The following QNG1 variants were observed in gnomAD, a reference collection of about 807,000 sequenced individuals.
The protein encoded by QNG1 is queuosine 5'-phosphate N-glycosylase/hydrolase.
the QNG1 span, among the ~76,000 whole-genome samples, chr9:83,945,301 T>C: frequency 6.7e-6 from 1 of 148,306 alleles, no homozygotes; most frequent in South Asian, 2.1e-4. Flanking sequence ...ACTCAGGAGG[T>C]GAGGTGGGAG....
the QNG1 span, among the ~76,000 whole-genome samples, chr9:83,948,516 G>GT: frequency 7.3e-5 from 11 of 150,954 alleles, no homozygotes; most frequent in Non-Finnish European, 1.2e-4. Context: ...TCCGGGAGGG[G>GT]GGGGGCGCCT....
At chr9:83,948,108 A>T in the QNG1 span, among the ~76,000 whole-genome samples, 4 of 145,042 alleles carry the variant, frequency 2.8e-5, no homozygotes, top group South Asian at 6.6e-4. Context: ...AGATGTGGGG[A>T]GCGCCTCTGC....
chr9:83,952,653 C>T, the QNG1 span, among the ~76,000 whole-genome samples: 2 of 151,802 alleles, frequency 1.3e-5, no homozygotes, highest in African/African-American at 2.4e-5. Flanking sequence ...AAATTAGCCG[C>T]GCGTGGTGGC....
chr9:83,949,398 C>T, the QNG1 span, among the ~76,000 whole-genome samples: 1 of 152,078 alleles, frequency 6.6e-6, no homozygotes, highest in African/African-American at 2.4e-5. Flanking sequence ...AATCCCAGCA[C>T]TTTGGGAGGC....
chr9:83,939,271 C>A, the QNG1 span: 1 of 417,690 alleles, frequency 2.4e-6, no homozygotes, highest in South Asian at 2.6e-5. Context: ...TGGGGTTTCA[C>A]CATGTTGGCC....
the QNG1 span, among the ~76,000 whole-genome samples, chr9:83,947,938 G>A: frequency 2.6e-5 from 4 of 152,198 alleles, no homozygotes; most frequent in South Asian, 2.1e-4. Context: ...CCGCCACCCC[G>A]TATGGGAAGT....
the QNG1 span, among the ~76,000 whole-genome samples, chr9:83,941,544 TC>T: frequency 2.0e-5 from 3 of 151,984 alleles, no homozygotes; most frequent in South Asian, 6.2e-4. Flanking sequence ...TGAGTTATGA[TC>T]ATGCCACTGC....
the QNG1 span, among the ~76,000 whole-genome samples, chr9:83,954,708 C>T: frequency 1.3e-5 from 2 of 151,442 alleles, no homozygotes; most frequent in South Asian, 2.1e-4. Context: ...GGTGAAACCC[C>T]GTCTCTACTA....
At chr9:83,948,851 G>T in the QNG1 span, among the ~76,000 whole-genome samples, 2 of 152,248 alleles carry the variant, frequency 1.3e-5, no homozygotes, top group Admixed American at 1.3e-4. Context: ...AATGGATAAA[G>T]GGCGGTGCAA....
the QNG1 span, chr9:83,938,330 AT>A: frequency 1.3e-5 from 2 of 152,130 alleles, no homozygotes; most frequent in African/African-American, 4.8e-5. Flanking sequence ...AATTTTGAAT[AT>A]TTTTATTGAA....
the QNG1 span, among the ~76,000 whole-genome samples, chr9:83,949,473 G>A: frequency 1.3e-5 from 2 of 151,368 alleles, no homozygotes. Context: ...GAGAAACCCC[G>A]TCTCTACTAA....
the QNG1 span, among the ~76,000 whole-genome samples, chr9:83,943,435 A>C: frequency 6.6e-6 from 1 of 152,222 alleles, no homozygotes; most frequent in Non-Finnish European, 1.5e-5. Flanking sequence ...AAAACAAAAA[A>C]AAAGCAGCTT....
At chr9:83,941,309 T>C in the QNG1 span, among the ~76,000 whole-genome samples, 1 of 152,174 alleles carries the variant, frequency 6.6e-6, no homozygotes, top group Non-Finnish European at 1.5e-5. Context: ...ACCTGTGACT[T>C]TGACTTTGTT....
At chr9:83,942,046 G>C in the QNG1 span, among the ~76,000 whole-genome samples, 1 of 152,212 alleles carries the variant, frequency 6.6e-6, no homozygotes, top group Admixed American at 6.5e-5. Flanking sequence ...AGGCAAGGTA[G>C]AATTATTCCC....
At chr9:83,952,802 A>G in the QNG1 span, among the ~76,000 whole-genome samples, 24 of 150,892 alleles carry the variant, frequency 1.6e-4, no homozygotes, top group African/African-American at 5.1e-4. Flanking sequence ...CTGAAAAAAA[A>G]AAAAAAAAAA....
the QNG1 span, chr9:83,956,145 T>A: frequency 1.2e-6 from 2 of 1,605,256 alleles, no homozygotes; most frequent in Non-Finnish European, 1.7e-6. Context: ...TTAGGTCCGA[T>A]GGCAAGTATG....
the QNG1 span, among the ~76,000 whole-genome samples, chr9:83,952,794 GA>G: frequency 8.3e-4 from 69 of 83,602 alleles, 1 homozygote; most frequent in South Asian, 7.5e-3. Context: ...GACTCCGTCT[GA>G]AAAAAAAAAA....
chr9:83,956,729 C>T, the QNG1 span: 30 of 419,896 alleles, frequency 7.1e-5, no homozygotes, highest in Non-Finnish European at 1.2e-4. Flanking sequence ...TGGGCAGAGG[C>T]CGCAAGCACT....
chr9:83,939,527 C>T, the QNG1 span: 21 of 1,611,926 alleles, frequency 1.3e-5, no homozygotes, highest in Admixed American at 1.7e-5. Context: ...ATATATGCAA[C>T]GTATGCGATG....
Sources: allele counts gnomAD v4.1 joint callset (sites outside exome capture counted in the v4.1 genomes callset), GRCh38; gene constraint gnomAD v4.1.1; transcripts MANE v1.5; gene names NCBI Gene and HGNC (gene_info 2026-07-23, HGNC 2026-07-21).